Variants in EIF2D observed in about 807,000 individuals in gnomAD.
The protein encoded by EIF2D is eukaryotic translation initiation factor 2D.
Under a neutral mutation model 77.4 loss-of-function variants are expected in EIF2D, and 56 were observed. The observed-to-expected ratio is 0.72, with a 90% confidence interval of 0.58 to 0.90. The LOEUF (loss-of-function observed/expected upper bound fraction) is 0.90, where lower values mean the gene tolerates loss of function less well. Among genes scored for constraint, EIF2D ranks in the 40% least tolerant of loss-of-function variants. The probability of loss-of-function intolerance (pLI) is 0.00; values close to 1 mark genes in which losing one functional copy is unlikely to be tolerated. For synonymous variants in EIF2D, 230 were observed against 271.0 expected, an observed-to-expected ratio of 0.85 and a Z score of 1.49; for missense variants, 574 against 706.5, an observed-to-expected ratio of 0.81 and a Z score of 2.13.
chr1:206,608,337 C>T lies in EIF2D; in HGVS notation c.332-11G>A. 2 of 1,601,924 alleles carry T rather than the reference C, an allele frequency of 1.2e-6. No individual in the cohort carries two copies. The highest frequency in any genetic ancestry group is 1.7e-6 in the Non-Finnish European group (2 of 1,173,460). On this transcript the variant is annotated splice_polypyrimidine_tract_variant and intron_variant, in intron 3 of 14. Coordinates refer to ENST00000271764, the MANE Select transcript of EIF2D (RefSeq NM_006893.3). ...CAGGCAGCATCAAATCTGCAATGAA[C>T]AAAAAAAATCACAACCTGCATTCAG...
intron 4 of EIF2D, among the ~76,000 whole-genome samples, chr1:206,578,699 G>A (rs1020366513): frequency 6.6e-6 from 1 of 152,126 alleles, no homozygotes; most frequent in African/African-American, 2.4e-5. Context: ...TGGGACACAC[G>A]TCCTCCTCAG....
intron 2 of EIF2D, chr1:206,585,395 G>A (rs1349305964): frequency 1.2e-6 from 1 of 832,076 alleles, no homozygotes; most frequent in African/African-American, 1.7e-5. Flanking sequence ...GAGCCACGCA[G>A]CACGGGCAGG....
intron 4 of EIF2D, among the ~76,000 whole-genome samples, chr1:206,578,388 A>C (rs975347045): frequency 1.3e-5 from 2 of 152,070 alleles, no homozygotes; most frequent in Non-Finnish European, 2.9e-5. Context: ...TTTTTGTGAC[A>C]CATTTGCTGT....
chr1:206,602,604 C>A (rs782356671), intron 6 of EIF2D, 151 bp from the exon 7 acceptor site: 16 of 711,216 alleles, frequency 2.2e-5, no homozygotes, highest in Non-Finnish European at 3.6e-5. Flanking sequence ...CTCTTGAGCA[C>A]TGAGCCTTTA....
chr1:206,579,187 T>C lies in EIF2D; in HGVS notation c.*254+1505A>G, dbSNP rs568362777. ...CAGTGCCCTGGACATGCCAAGTGCA[T>C]TGGGAACAGCTCAGCCATCTGCCAC... On this transcript the variant is annotated intron_variant and NMD_transcript_variant, in intron 4 of 5. Coordinates refer to the EIF2D transcript ENST00000472709. This position sits in a 1 kb window ranked among gnomAD's most constrained non-coding sequence, Gnocchi z 4.2. Among the ~76,000 whole-genome samples the C allele has an allele frequency of 1.5e-4, 23 of 152,304 alleles. No homozygotes were observed. Among genetic ancestry groups the C allele is most frequent in the Non-Finnish European group, 3.1e-4 (21 of 68,024 alleles).
At chr1:206,606,471 C>T (rs1670207152) in intron 4 of EIF2D, among the ~76,000 whole-genome samples, 1 of 152,154 alleles carries the variant, frequency 6.6e-6, no homozygotes, top group African/African-American at 2.4e-5. Context: ...CCATCCATAG[C>T]TCCACCCCCA....
chr1:206,609,341 C>T, intron 3 of EIF2D, 35 bp downstream of exon 3: 2 of 1,588,460 alleles, frequency 1.3e-6, no homozygotes, highest in Admixed American at 1.7e-5. Flanking sequence ...AAGTAGGTTT[C>T]AGCCAATAGC....
intron 2 of EIF2D, chr1:206,583,334 C>T (rs782086265): frequency 2.5e-6 from 4 of 1,613,814 alleles, no homozygotes; most frequent in East Asian, 2.2e-5. Flanking sequence ...AGCAGAAGAT[C>T]GACAGCTACA....
At chr1:206,602,756 G>A in intron 6 of EIF2D, 195 bp downstream of exon 6, 2 of 829,882 alleles carry the variant, frequency 2.4e-6, no homozygotes, top group Non-Finnish European at 3.7e-6. Flanking sequence ...TTAGCTCCCA[G>A]GAAGACGTGA....
intron 6 of EIF2D, 75 bp from the exon 7 acceptor site, chr1:206,602,528 T>A: frequency 7.6e-7 from 1 of 1,313,064 alleles, no homozygotes; most frequent in South Asian, 1.2e-5. Flanking sequence ...GACCCCCAGC[T>A]TCATCCCTAC....
At chr1:206,576,230 A>G (rs1426414968) in intron 4 of EIF2D, among the ~76,000 whole-genome samples, 9 of 152,238 alleles carry the variant, frequency 5.9e-5, no homozygotes, top group Non-Finnish European at 2.9e-5. Flanking sequence ...AGGCTCTTGC[A>G]GTATGGATTT....
downstream of EIF2D, chr1:206,591,552 C>A (rs966682198): frequency 3.5e-6 from 2 of 574,282 alleles, no homozygotes; most frequent in Non-Finnish European, 6.2e-6. Context: ...GAATGGCAGC[C>A]ACCGTGACCT....
Position 206,599,196 on chromosome 1 carries a change from T to C in EIF2D, c.1203-104A>G. 8.9e-7 allele frequency: 1 copy of C among 1,126,838 alleles called. No individual in the cohort carries two copies. The highest frequency in any genetic ancestry group is 1.3e-6 in the Non-Finnish European group (1 of 776,552). The allele number at this position is 1,126,838 out of a possible 1,614,324, so 69.8% of individuals were successfully genotyped here. On this transcript the variant is annotated intron_variant, in intron 10 of 14. Transcript: ENST00000271764. The surrounding 1 kb of genome is among the most constrained non-coding windows in gnomAD (Gnocchi z 4.1). The stretch of plus-strand genomic sequence containing the variant: ...TGCTGAGCAGGGAACTTTCCTTAGC[T>C]TTCGGCCTCTAGTTTCTTCCCTTTT...
In EIF2D at chr1:206,602,938, C is replaced by G; in HGVS notation, c.784+13G>C. 2.5e-6 allele frequency: 4 copies of G among 1,613,502 alleles called. No individual in the cohort carries two copies. Among genetic ancestry groups the G allele is most frequent in the Non-Finnish European group, 3.4e-6 (4 of 1,179,678 alleles). ...AGGTGGGGAGATGGGCTCTTCTCCT[C>G]CTAGAGTTATACCTTGAAGCGTTTT... On this transcript the variant is annotated intron_variant, in intron 6 of 14. Transcript: ENST00000271764.
At chr1:206,594,807 T>A (rs531350466) in intron 13 of EIF2D, 1 of 152,294 alleles carries the variant, frequency 6.6e-6, no homozygotes, top group East Asian at 1.9e-4. Flanking sequence ...TAACAGAAAA[T>A]TAGTGTTTAC....
intron 12 of EIF2D, 128 bp from the exon 13 acceptor site, chr1:206,595,966 T>A: frequency 7.9e-7 from 1 of 1,270,836 alleles, no homozygotes; most frequent in Non-Finnish European, 1.1e-6. Context: ...CACATTAGAA[T>A]CATTCAAATC....
downstream of EIF2D, chr1:206,589,474 G>A (rs1669274060): frequency 6.6e-6 from 1 of 152,152 alleles, no homozygotes; most frequent in Non-Finnish European, 1.5e-5. Context: ...GCGCTGCCTG[G>A]GTGACCAGCT....
downstream of EIF2D, chr1:206,589,576 AGG>A (rs1421109735): frequency 6.6e-6 from 1 of 152,174 alleles, no homozygotes; most frequent in East Asian, 1.9e-4. Context: ...TCTGGAGCTA[AGG>A]GTGATTTGAC....
chr1:206,594,562 A>G (rs540550225), intron 13 of EIF2D: 1 of 152,404 alleles, frequency 6.6e-6, no homozygotes, highest in Admixed American at 6.5e-5. Flanking sequence ...AATAAAGACT[A>G]TAAAAGCTCC....
Sources: gnomAD v4.1 joint callset for allele counts (sites outside exome capture counted in the v4.1 genomes callset) on GRCh38, gnomAD v4.1.1 for gene constraint, Gnocchi (gnomAD v3.1) non-coding constraint, MANE v1.5 for transcripts, NCBI Gene and HGNC (gene_info 2026-07-23, HGNC 2026-07-21) for gene names.